Variants in CUX1 observed in about 807,000 individuals in gnomAD.
CUX1 encodes protein CASP.
CUX1 carries 31 observed loss-of-function variants against 158.8 expected under a neutral mutation model. The observed-to-expected ratio is 0.20, with a 90% CI of 0.15 to 0.26. The LOEUF (loss-of-function observed/expected upper bound fraction) is 0.26, where lower values mean the gene tolerates loss of function less well. CUX1 is among the 10% of genes least tolerant of loss of function. The probability of loss-of-function intolerance (pLI) is 1.00; values close to 1 mark genes in which losing one functional copy is unlikely to be tolerated. For missense variants in CUX1, 1,589 were observed against 2,014.6 expected (o/e 0.79, Z 4.04); for synonymous variants, 879 against 862.1 (o/e 1.02, Z -0.34).
rs576951335 is a variant in CUX1, at chr7:101,987,842, C to T, written c.142-40256C>T. Among the ~76,000 whole-genome samples, 160 of 152,366 alleles carry T rather than the reference C, an allele frequency of 1.1e-3. 2 individuals are homozygous for T. The highest frequency in any genetic ancestry group is 2.0e-3 in the Non-Finnish European group (133 of 68,030). On this transcript the variant is annotated intron_variant, in intron 2 of 23. Transcript: ENST00000292535. The stretch of plus-strand genomic sequence containing the variant: ...TGTAAAACAAATACACATGATTTTT[C>T]ATCCTAGAAGAAAGTCTAAACGAAC...
intron 2 of CUX1, among the ~76,000 whole-genome samples, chr7:101,989,195 C>T (rs1055666055): frequency 3.3e-5 from 5 of 151,984 alleles, no homozygotes; most frequent in East Asian, 3.9e-4. Flanking sequence ...TCATCCTGCC[C>T]GACTCTGTAG....
chr7:101,919,980 C>T (rs1173469388), intron 2 of CUX1, among the ~76,000 whole-genome samples: 2 of 151,866 alleles, frequency 1.3e-5, no homozygotes, highest in African/African-American at 2.4e-5. Flanking sequence ...CAGGCTGGAG[C>T]GCAGCGGCAC....
At chr7:102,099,612 G>A (rs1250086875) in intron 5 of CUX1, among the ~76,000 whole-genome samples, 2 of 151,896 alleles carry the variant, frequency 1.3e-5, no homozygotes, top group Non-Finnish European at 2.9e-5. Flanking sequence ...AGGCTGGAGT[G>A]CAGTTGCATG....
chr7:101,967,655 C>T (rs1811401563), intron 2 of CUX1, among the ~76,000 whole-genome samples: 1 of 152,198 alleles, frequency 6.6e-6, no homozygotes, highest in African/African-American at 2.4e-5. Flanking sequence ...AAACCACATT[C>T]TTGAAATGGT....
intron 17 of CUX1, among the ~76,000 whole-genome samples, chr7:102,277,656 TG>T (rs1554548020): frequency 6.6e-6 from 1 of 152,116 alleles, no homozygotes; most frequent in Non-Finnish European, 1.5e-5. Flanking sequence ...GACAGGGTCT[TG>T]CTCTGTCATA....
At chr7:102,008,925 T>C (rs1182869491) in intron 2 of CUX1, among the ~76,000 whole-genome samples, 6 of 152,180 alleles carry the variant, frequency 3.9e-5, no homozygotes, top group Non-Finnish European at 8.8e-5. Flanking sequence ...TGATCACTCA[T>C]GGCAGTTCAG....
At chr7:102,282,544 C>A (rs782355997) in intron 21 of CUX1, among the ~76,000 whole-genome samples, 2 of 152,184 alleles carry the variant, frequency 1.3e-5, no homozygotes, top group Non-Finnish European at 2.9e-5. Flanking sequence ...CTGGGCCCAT[C>A]TGATCATCTG....
At chr7:102,105,142 T>C (rs1554488016) in intron 6 of CUX1, among the ~76,000 whole-genome samples, 2 of 151,886 alleles carry the variant, frequency 1.3e-5, no homozygotes, top group Non-Finnish European at 2.9e-5. Context: ...TGCTAAACTC[T>C]TTCTGCCTTC....
In CUX1 at chr7:102,081,253, A is replaced by G. The variant is rs1035341265; in HGVS notation, c.268+10836A>G. ...TCCACATGACCAAAAGAGAATGATCATTTCCCCCCACGTGCTCCCAAGATA... is the reference window on the plus strand; with the variant it reads ...TCCACATGACCAAAAGAGAATGATCGTTTCCCCCCACGTGCTCCCAAGATA... On this transcript the variant is annotated intron_variant, in intron 4 of 23. Coordinates refer to ENST00000292535, the MANE Select transcript of CUX1 (RefSeq NM_181552.4). Among the ~76,000 whole-genome samples, 8 of 151,916 alleles carry G rather than the reference A, an allele frequency of 5.3e-5. No individual in the cohort carries two copies. The East Asian group carries it at 7.7e-4, about 15-fold the overall frequency.
chr7:102,061,199 A>G (rs921044131), intron 3 of CUX1, among the ~76,000 whole-genome samples: 10 of 152,222 alleles, frequency 6.6e-5, no homozygotes, highest in African/African-American at 2.4e-4. Flanking sequence ...GCTGGGATTT[A>G]CAGGCGTGAG....
intron 1 of CUX1, among the ~76,000 whole-genome samples, chr7:101,833,444 G>C (rs1253273926): frequency 6.7e-6 from 1 of 149,748 alleles, no homozygotes; most frequent in Non-Finnish European, 1.5e-5. Flanking sequence ...GATCCTGGCT[G>C]CTCAGGAGGC....
chr7:102,228,517 G>A (rs555702143), intron 21 of CUX1, among the ~76,000 whole-genome samples: 13 of 152,164 alleles, frequency 8.5e-5, no homozygotes, highest in African/African-American at 2.9e-4. Flanking sequence ...AAATTAGGCC[G>A]GGCATAGTGG....
At chr7:101,846,908 G>A (rs749307771) in intron 1 of CUX1, among the ~76,000 whole-genome samples, 12 of 152,006 alleles carry the variant, frequency 7.9e-5, no homozygotes, top group East Asian at 1.9e-4. Flanking sequence ...AAAGTGAGAC[G>A]ATAACTTGAG....
Position 102,234,035 on chromosome 7 carries a change from TTC to T in CUX1, c.3434-15_3434-14del, listed in dbSNP as rs782196814. ...CTCTCGGTGACAATACCTGTCTTGC[TTC>T]TGTTTTCTCTCTAGGCCAGCGCTTA... On this transcript the variant is annotated splice_polypyrimidine_tract_variant and intron_variant, in intron 21 of 23. Coordinates refer to ENST00000292535, the MANE Select transcript of CUX1 (RefSeq NM_181552.4). 8.2e-6 allele frequency: 12 copies of T among 1,458,816 alleles called. No individual in the cohort carries two copies. The highest frequency in any genetic ancestry group is 1.8e-4 in the Middle Eastern group (1 of 5,440). The allele number at this position is 1,458,816 out of a possible 1,614,324, so 90.4% of individuals were successfully genotyped here.
intron 3 of CUX1, among the ~76,000 whole-genome samples, chr7:102,029,774 C>G (rs149474766): frequency 2.2e-4 from 34 of 152,268 alleles, no homozygotes; most frequent in Admixed American, 6.5e-4. Flanking sequence ...CAGTCTTTTT[C>G]TCAGAACTTC....
intron 18 of CUX1, among the ~76,000 whole-genome samples, chr7:102,203,896 C>T (rs1351308130): frequency 6.6e-6 from 1 of 152,194 alleles, no homozygotes; most frequent in Non-Finnish European, 1.5e-5. Context: ...AGGATGTGGT[C>T]AGAACAAGCA....
At chr7:102,278,079 C>T (rs781971717) in intron 18 of CUX1, 9 of 1,579,540 alleles carry the variant, frequency 5.7e-6, no homozygotes, top group Non-Finnish European at 6.9e-6. Context: ...AGGGCCCTCC[C>T]CTGGCCTCAG....
chr7:102,191,337 G>A (rs899850200), intron 12 of CUX1, among the ~76,000 whole-genome samples: 5 of 152,090 alleles, frequency 3.3e-5, no homozygotes, highest in South Asian at 2.1e-4. Flanking sequence ...GAGTTCAAGC[G>A]ATTCTCCTGC....
At chr7:102,091,645 A>G (rs1828592498) in intron 4 of CUX1, among the ~76,000 whole-genome samples, 1 of 152,068 alleles carries the variant, frequency 6.6e-6, no homozygotes, top group Admixed American at 6.6e-5. Flanking sequence ...AGGATCACTT[A>G]GCTTTTCTAA....
Sources: allele counts gnomAD v4.1 joint callset (sites outside exome capture counted in the v4.1 genomes callset), GRCh38; gene constraint gnomAD v4.1.1; transcripts MANE v1.5; gene names NCBI Gene and HGNC (gene_info 2026-07-23, HGNC 2026-07-21).